PEX14: variants seen among roughly 807,000 people sequenced by gnomAD.
PEX14 encodes the protein peroxisomal membrane protein PEX14.
In PEX14, 15 loss-of-function variants were observed where a neutral mutation model predicts 49.5. The ratio of observed to expected loss-of-function variants is 0.30; its 90% CI spans 0.20 to 0.47. The LOEUF (loss-of-function observed/expected upper bound fraction) is 0.47. Among genes scored for constraint, PEX14 ranks in the 20% least tolerant of loss-of-function variants. PEX14 has a pLI of 1.00. For missense variants in PEX14, 398 were observed against 494.8 expected, an observed-to-expected ratio of 0.80 and a Z score of 1.86; for synonymous variants, 210 against 212.7, an observed-to-expected ratio of 0.99 and a Z score of 0.11.
At chr1:10,606,940 G>A (rs1421004454) in intron 4 of PEX14, among the ~76,000 whole-genome samples, 1 of 152,168 alleles carries the variant, frequency 6.6e-6, no homozygotes, top group Non-Finnish European at 1.5e-5. Flanking sequence ...TTTGATAAGT[G>A]TACATTTCCA....
chr1:10,625,006 G>A (rs1350568490), intron 7 of PEX14, among the ~76,000 whole-genome samples: 1 of 152,162 alleles, frequency 6.6e-6, no homozygotes, highest in South Asian at 2.1e-4. Context: ...AAATCTTGGC[G>A]TGGCAGCTTC....
intron 3 of PEX14, among the ~76,000 whole-genome samples, chr1:10,542,357 G>A (rs182655447): frequency 4.6e-5 from 7 of 152,114 alleles, no homozygotes; most frequent in Non-Finnish European, 8.8e-5. Flanking sequence ...CACTTTACTC[G>A]TATACTTGGT....
chr1:10,520,673 G>A (rs1417379443), intron 2 of PEX14, among the ~76,000 whole-genome samples: 3 of 152,158 alleles, frequency 2.0e-5, no homozygotes, highest in Non-Finnish European at 4.4e-5. Context: ...CATCCAGACA[G>A]CATCTGCTGT....
At chr1:10,606,983 A>G (rs1641144865) in intron 4 of PEX14, among the ~76,000 whole-genome samples, 1 of 152,224 alleles carries the variant, frequency 6.6e-6, no homozygotes, top group African/African-American at 2.4e-5. Context: ...AACATTTCCA[A>G]TACCCTGAAA....
At chr1:10,612,560 C>A (rs150029167) in intron 4 of PEX14, among the ~76,000 whole-genome samples, 2,494 of 152,256 alleles carry the variant, frequency 0.016, 58 homozygotes, top group Admixed American at 0.022. Context: ...CTGCCAAGTC[C>A]TTCTGTTCAG....
At chr1:10,531,624 G>A (rs141757716) in intron 2 of PEX14, among the ~76,000 whole-genome samples, 1 of 152,204 alleles carries the variant, frequency 6.6e-6, no homozygotes, top group African/African-American at 2.4e-5. Flanking sequence ...ATCTCTGTGG[G>A]TTAAAAGGAC....
At chr1:10,498,615 C>G (rs1181812669) in intron 2 of PEX14, among the ~76,000 whole-genome samples, 2 of 152,164 alleles carry the variant, frequency 1.3e-5, no homozygotes, top group Non-Finnish European at 2.9e-5. Context: ...CCGTTCAATC[C>G]TGCCTCGATC....
chr1:10,603,712 G>A (rs1641049596), intron 4 of PEX14, among the ~76,000 whole-genome samples: 1 of 152,208 alleles, frequency 6.6e-6, no homozygotes, highest in Admixed American at 6.5e-5. Context: ...ACGCCAAGCT[G>A]ATTTGTCTTC....
chr1:10,544,674 A>G (rs1639115747), intron 3 of PEX14, among the ~76,000 whole-genome samples: 1 of 152,150 alleles, frequency 6.6e-6, no homozygotes, highest in Non-Finnish European at 1.5e-5. Flanking sequence ...CCCCTTGGTA[A>G]TCCCTTCCTC....
chr1:10,586,134 A>C (rs1640478052), intron 3 of PEX14, among the ~76,000 whole-genome samples: 1 of 152,240 alleles, frequency 6.6e-6, no homozygotes, highest in Non-Finnish European at 1.5e-5. Flanking sequence ...CAGACAAAGC[A>C]ATCCAGATTC....
chr1:10,511,355 C>T (rs1262232275), intron 2 of PEX14, among the ~76,000 whole-genome samples: 1 of 151,940 alleles, frequency 6.6e-6, no homozygotes, highest in African/African-American at 2.4e-5. Context: ...TCCTTCCTGC[C>T]TCCCCCCTTT....
intron 4 of PEX14, chr1:10,617,202 ATGTGTTCTC>A (rs1641449802): frequency 1.3e-5 from 2 of 152,074 alleles, no homozygotes; most frequent in Admixed American, 1.3e-4. Flanking sequence ...AGCAGCAGCA[ATGTGTTCTC>A]CTGAGACATT....
chr1:10,511,932 T>A (rs189916371), intron 2 of PEX14, among the ~76,000 whole-genome samples: 1 of 152,284 alleles, frequency 6.6e-6, no homozygotes, highest in East Asian at 1.9e-4. Context: ...TTCTGCTCAG[T>A]CTTATGGCTT....
chr1:10,587,246 C>T (rs1640520510), intron 3 of PEX14, among the ~76,000 whole-genome samples: 2 of 152,100 alleles, frequency 1.3e-5, no homozygotes, highest in East Asian at 1.9e-4. Context: ...CACGTGAAGC[C>T]AGGAGTTTGA....
At chr1:10,504,186 G>T (rs975651832) in intron 2 of PEX14, among the ~76,000 whole-genome samples, 2 of 152,170 alleles carry the variant, frequency 1.3e-5, no homozygotes, top group Non-Finnish European at 2.9e-5. Flanking sequence ...GGAGAAGGAC[G>T]TATTCACCGC....
chr1:10,567,361 A>G lies in PEX14; in HGVS notation c.169+31064A>G, dbSNP rs114947232. Among the ~76,000 whole-genome samples the G allele has an allele frequency of 5.8e-3, 877 of 152,286 alleles. 8 individuals are homozygous for G. Among genetic ancestry groups the G allele is most frequent in the African/African-American group, 0.017 (716 of 41,550 alleles). ...CACTTGAAATGTTTCTTTGTGTCCA[A>G]TGTCACACTATCTTACATGTTTTAT... On this transcript the variant is annotated intron_variant, in intron 3 of 8. Coordinates refer to ENST00000356607, the MANE Select transcript of PEX14 (RefSeq NM_004565.3).
chr1:10,609,515 G>A (rs892739705), intron 4 of PEX14, among the ~76,000 whole-genome samples: 1 of 152,056 alleles, frequency 6.6e-6, no homozygotes, highest in Non-Finnish European at 1.5e-5. Flanking sequence ...CCTTTATGTC[G>A]TCCTTTTCCC....
At chr1:10,571,872 C>T (rs1639987600) in intron 3 of PEX14, among the ~76,000 whole-genome samples, 2 of 151,970 alleles carry the variant, frequency 1.3e-5, no homozygotes, top group Admixed American at 6.6e-5. Flanking sequence ...GTTTATTTTG[C>T]CATAATTTAA....
At chr1:10,534,423 G>A (rs532522795) in intron 2 of PEX14, among the ~76,000 whole-genome samples, 1 of 151,856 alleles carries the variant, frequency 6.6e-6, no homozygotes, top group African/African-American at 2.4e-5. Context: ...CTTGTGTACT[G>A]TTGCCTTCTT....
Sources: allele counts gnomAD v4.1 joint callset (sites outside exome capture counted in the v4.1 genomes callset), GRCh38; gene constraint gnomAD v4.1.1; transcripts MANE v1.5; gene names NCBI Gene and HGNC (gene_info 2026-07-23, HGNC 2026-07-21).